Variants in BTBD9 observed in about 807,000 individuals in gnomAD.
BTBD9 encodes the protein BTB domain containing 9.
In BTBD9, 49 loss-of-function variants were observed where a neutral mutation model predicts 64.3. The ratio of observed to expected loss-of-function variants is 0.76; its 90% CI spans 0.61 to 0.97. BTBD9 has a LOEUF of 0.97. BTBD9 is among the 50% of genes least tolerant of loss of function. The probability of loss-of-function intolerance (pLI) is 0.00; values close to 1 mark genes in which losing one functional copy is unlikely to be tolerated. For synonymous variants in BTBD9, 260 were observed against 274.7 expected, an observed-to-expected ratio of 0.95 and a Z score of 0.53; for missense variants, 598 against 762.1, an observed-to-expected ratio of 0.78 and a Z score of 2.53.
In BTBD9 at chr6:38,435,881, C is replaced by A. The variant is rs974688189; in HGVS notation, c.1155-90788G>T. On this transcript the variant is annotated intron_variant, in intron 6 of 10. Transcript: ENST00000481247. ...ATGGAGTTTCATCATGTTGGCCAGG[C>A]TGGTCTCAAACTCCTGACCTCAAGT... Among the ~76,000 whole-genome samples, 4 of 151,334 alleles carry A rather than the reference C, an allele frequency of 2.6e-5. No homozygotes were observed. The East Asian group carries it at 7.8e-4, about 29-fold the overall frequency.
chr6:38,449,934 G>T (rs758749224), intron 6 of BTBD9, among the ~76,000 whole-genome samples: 3 of 151,864 alleles, frequency 2.0e-5, no homozygotes, highest in Non-Finnish European at 4.4e-5. Context: ...TAGACAAATG[G>T]GATTACATAA....
chr6:38,460,289 G>A (rs1197551933), intron 6 of BTBD9, among the ~76,000 whole-genome samples: 1 of 152,128 alleles, frequency 6.6e-6, no homozygotes, highest in African/African-American at 2.4e-5. Flanking sequence ...CAATATCACA[G>A]CAATCATCAA....
At chr6:38,328,708 G>A (rs1224212827) in intron 7 of BTBD9, among the ~76,000 whole-genome samples, 2 of 151,820 alleles carry the variant, frequency 1.3e-5, no homozygotes, top group Middle Eastern at 3.2e-3. Context: ...AGCACTTTGG[G>A]AGGCCGAGGT....
chr6:38,234,202 T>A (rs1763702651), intron 9 of BTBD9, among the ~76,000 whole-genome samples: 1 of 129,254 alleles, frequency 7.7e-6, no homozygotes, highest in African/African-American at 2.6e-5. Context: ...TCTATTTCTT[T>A]CAAATATATA....
intron 9 of BTBD9, among the ~76,000 whole-genome samples, chr6:38,252,179 C>G (rs1764425497): frequency 6.6e-6 from 1 of 152,042 alleles, no homozygotes; most frequent in Non-Finnish European, 1.5e-5. Context: ...TTTCAGAGGA[C>G]AGCAAAAATC....
chr6:38,208,866 C>T lies in BTBD9; in HGVS notation c.1563-16269G>A, dbSNP rs114463861. 6.0e-3 allele frequency among the ~76,000 whole-genome samples: 910 copies of T among 152,258 alleles called. 2 individuals carry two copies. Among genetic ancestry groups the T allele is most frequent in the Non-Finnish European group, 0.01 (687 of 68,026 alleles). ...GAAAAATGGGGCCAAGTTGATCTAA[C>T]CTGACTGCAGACCTGAGGCAGCAAA... is the stretch of plus-strand genomic sequence containing the variant. On this transcript the variant is annotated intron_variant, in intron 9 of 10. Coordinates refer to ENST00000481247, the MANE Select transcript of BTBD9 (RefSeq NM_001099272.2).
At chr6:38,480,650 A>T (rs573400214) in intron 6 of BTBD9, among the ~76,000 whole-genome samples, 1 of 152,274 alleles carries the variant, frequency 6.6e-6, no homozygotes, top group South Asian at 2.1e-4. Flanking sequence ...AACACGCCAA[A>T]ACCCCCCACC....
At chr6:38,592,369 C>T (rs1373878255) in intron 4 of BTBD9, among the ~76,000 whole-genome samples, 1 of 151,942 alleles carries the variant, frequency 6.6e-6, no homozygotes, top group Non-Finnish European at 1.5e-5. Flanking sequence ...GCAAGAAATA[C>T]CTATTTGGGG....
chr6:38,381,206 T>C (rs1765918353), intron 6 of BTBD9, among the ~76,000 whole-genome samples: 1 of 151,912 alleles, frequency 6.6e-6, no homozygotes, highest in South Asian at 2.1e-4. Flanking sequence ...TGAAGAAAAG[T>C]AAAATCCTAT....
intron 6 of BTBD9, among the ~76,000 whole-genome samples, chr6:38,494,695 A>G (rs2127394375): frequency 6.6e-6 from 1 of 152,326 alleles, no homozygotes; most frequent in East Asian, 1.9e-4. Context: ...ACATTCTTTC[A>G]CTATTACAAC....
At chr6:38,312,451 G>A (rs1218067610) in intron 7 of BTBD9, among the ~76,000 whole-genome samples, 2 of 152,172 alleles carry the variant, frequency 1.3e-5, no homozygotes, top group Non-Finnish European at 2.9e-5. Context: ...GCCTGTGCTT[G>A]TGGGTTATTA....
chr6:38,481,782 C>G (rs896876068), intron 6 of BTBD9: 4 of 152,246 alleles, frequency 2.6e-5, no homozygotes, highest in African/African-American at 9.6e-5. Flanking sequence ...TGAGGACTTA[C>G]AAAGGTATAA....
chr6:38,461,622 C>T (rs919794550), intron 6 of BTBD9, among the ~76,000 whole-genome samples: 1 of 152,184 alleles, frequency 6.6e-6, no homozygotes, highest in Non-Finnish European at 1.5e-5. Flanking sequence ...CTGCTGTGAA[C>T]ATTTATGTGT....
At chr6:38,612,224 G>T (rs1582716371) in intron 1 of BTBD9, among the ~76,000 whole-genome samples, 1 of 152,186 alleles carries the variant, frequency 6.6e-6, no homozygotes, top group South Asian at 2.1e-4. Context: ...CCTATGAAAA[G>T]CAAGTGTATA....
chr6:38,604,739 T>C (rs1012707264), intron 1 of BTBD9, among the ~76,000 whole-genome samples: 1 of 152,252 alleles, frequency 6.6e-6, no homozygotes, highest in Non-Finnish European at 1.5e-5. Context: ...TATATTCTTA[T>C]ATGAGAGTAA....
chr6:38,271,491 G>A (rs972043508), intron 8 of BTBD9, among the ~76,000 whole-genome samples: 1 of 152,258 alleles, frequency 6.6e-6, no homozygotes, highest in East Asian at 1.9e-4. Context: ...TGTTAGTGAG[G>A]AAAGGAACTG....
intron 6 of BTBD9, among the ~76,000 whole-genome samples, chr6:38,468,020 G>C (rs1770473869): frequency 6.6e-6 from 1 of 151,964 alleles, no homozygotes; most frequent in African/African-American, 2.4e-5. Flanking sequence ...AATTCCAATA[G>C]AATTTCTGAA....
intron 6 of BTBD9, chr6:38,481,560 C>T (rs1236660209): frequency 6.6e-6 from 1 of 152,224 alleles, no homozygotes; most frequent in Non-Finnish European, 1.5e-5. Flanking sequence ...TCCCATAGGC[C>T]TCTGGGAAGC....
intron 7 of BTBD9, among the ~76,000 whole-genome samples, chr6:38,342,484 C>A (rs951185777): frequency 1.1e-4 from 15 of 133,852 alleles, no homozygotes; most frequent in Non-Finnish European, 1.8e-4. Context: ...TGCAGTGAGG[C>A]AAGATTGTGC....
Sources: allele counts gnomAD v4.1 joint callset (sites outside exome capture counted in the v4.1 genomes callset), GRCh38; gene constraint gnomAD v4.1.1; transcripts MANE v1.5; gene names NCBI Gene and HGNC (gene_info 2026-07-23, HGNC 2026-07-21).